Variants in PAM observed in about 807,000 individuals in gnomAD.
PAM encodes the protein peptidylglycine alpha-amidating monooxygenase.
Under a neutral mutation model 122.1 loss-of-function variants are expected in PAM, and 72 were observed. The observed-to-expected ratio is 0.59, with a 90% CI of 0.49 to 0.72. The LOEUF (loss-of-function observed/expected upper bound fraction) is 0.72. Among genes scored for constraint, PAM ranks in the 30% least tolerant of loss-of-function variants. The probability of loss-of-function intolerance (pLI) is 0.00; values close to 1 mark genes in which losing one functional copy is unlikely to be tolerated. For synonymous variants in PAM, 389 were observed against 404.4 expected (o/e 0.96, Z 0.46); for missense variants, 1,106 against 1,183.7 (o/e 0.93, Z 0.96).
At chr5:102,791,155 T>A (rs988814987) in intron 1 of PAM, among the ~76,000 whole-genome samples, 13 of 152,266 alleles carry the variant, frequency 8.5e-5, no homozygotes, top group Middle Eastern at 3.4e-3. Flanking sequence ...AATTTGTTTT[T>A]GCTGTTATAA....
chr5:102,946,354 C>A (rs1205700258), intron 7 of PAM, among the ~76,000 whole-genome samples: 5 of 151,896 alleles, frequency 3.3e-5, no homozygotes, highest in Non-Finnish European at 7.4e-5. Flanking sequence ...TAATAAAATT[C>A]TATTTTGAAA....
intron 1 of PAM, among the ~76,000 whole-genome samples, chr5:102,816,655 T>C (rs911098551): frequency 1.3e-5 from 2 of 152,120 alleles, no homozygotes; most frequent in Non-Finnish European, 2.9e-5. Flanking sequence ...AAGTGCCACA[T>C]TCATCTGGTT....
At chr5:102,925,470 T>C (rs1012532576) in intron 6 of PAM, among the ~76,000 whole-genome samples, 5 of 152,186 alleles carry the variant, frequency 3.3e-5, no homozygotes, top group East Asian at 3.9e-4. Context: ...CACCTCTAAA[T>C]TGTACATAGC....
At chr5:102,785,413 C>T (rs1760244549) in intron 1 of PAM, among the ~76,000 whole-genome samples, 3 of 152,142 alleles carry the variant, frequency 2.0e-5, no homozygotes, top group South Asian at 2.1e-4. Context: ...TTGGTAGATA[C>T]GTGGGAGACT....
intron 1 of PAM, among the ~76,000 whole-genome samples, chr5:102,758,097 T>G (rs1751138233): frequency 2.7e-5 from 3 of 111,482 alleles, no homozygotes; most frequent in East Asian, 3.2e-4. Flanking sequence ...TTTTTTTTTT[T>G]TTTTTTTTTT....
chr5:102,923,075 C>A (rs1222020855), intron 5 of PAM, among the ~76,000 whole-genome samples: 1 of 152,196 alleles, frequency 6.6e-6, no homozygotes. Context: ...ATTACACAAT[C>A]TCTTTCTACA....
At chr5:102,832,340 C>G (rs1775710712) in intron 1 of PAM, among the ~76,000 whole-genome samples, 1 of 152,062 alleles carries the variant, frequency 6.6e-6, no homozygotes, top group African/African-American at 2.4e-5. Flanking sequence ...TCCACTTCCT[C>G]CCAGTTAATA....
intron 1 of PAM, among the ~76,000 whole-genome samples, chr5:102,767,796 T>G (rs1389769052): frequency 6.6e-6 from 1 of 152,146 alleles, no homozygotes; most frequent in Non-Finnish European, 1.5e-5. Flanking sequence ...TAGAAAAAAT[T>G]AAGGAAGAAG....
intron 1 of PAM, among the ~76,000 whole-genome samples, chr5:102,850,443 T>G (rs1378266087): frequency 6.6e-6 from 1 of 152,212 alleles, no homozygotes; most frequent in Non-Finnish European, 1.5e-5. Context: ...ACATTCTTTT[T>G]TCATGTAAAT....
intron 1 of PAM, among the ~76,000 whole-genome samples, chr5:102,764,963 T>C (rs2149704027): frequency 6.6e-6 from 1 of 152,358 alleles, no homozygotes; most frequent in Middle Eastern, 3.4e-3. Context: ...TTTATTCTTT[T>C]CTTTTTTGGC....
At chr5:103,015,866 G>T (rs907979647) in intron 21 of PAM, among the ~76,000 whole-genome samples, 6 of 152,136 alleles carry the variant, frequency 3.9e-5, no homozygotes, top group African/African-American at 1.4e-4. Context: ...TTAAAGCAAA[G>T]TTCTTAGCCA....
chr5:102,921,606 T>G (rs1277608354), intron 5 of PAM, among the ~76,000 whole-genome samples: 2 of 152,194 alleles, frequency 1.3e-5, no homozygotes. Flanking sequence ...GTTTTAAAAA[T>G]TAAACCAATG....
chr5:103,015,173 T>C (rs1781624210), intron 21 of PAM, among the ~76,000 whole-genome samples: 1 of 152,208 alleles, frequency 6.6e-6, no homozygotes. Context: ...CTTAACCTTT[T>C]CATTCCTGAA....
At chr5:102,910,935 C>T (rs1035018864) in intron 4 of PAM, among the ~76,000 whole-genome samples, 2 of 151,908 alleles carry the variant, frequency 1.3e-5, no homozygotes, top group African/African-American at 2.4e-5. Flanking sequence ...CTAGAATTCA[C>T]TAGGGGTGGG....
chr5:102,756,581 A>C (rs1750395110), intron 1 of PAM, among the ~76,000 whole-genome samples: 1 of 152,210 alleles, frequency 6.6e-6, no homozygotes. Flanking sequence ...AACATGTGAC[A>C]TATTGTTTGT....
intron 1 of PAM, among the ~76,000 whole-genome samples, chr5:102,820,253 T>G (rs1224768796): frequency 6.7e-6 from 1 of 150,212 alleles, no homozygotes; most frequent in African/African-American, 2.5e-5. Flanking sequence ...TGTGTGTTGT[T>G]AGAGATGATT....
Position 103,029,002 on chromosome 5 carries a change from T to G in PAM, c.2859T>G (p.Asp953Glu). ...GCAGTGACCAAGAGAAAGAGGATGA[T>G]GGAAGTGAATCAGAAGAGGAGTATT... is the stretch of plus-strand genomic sequence containing the variant. ...TEGSDQEKED[D>E]GSESEEEYSA... The change falls in exon 26 of 26, where the codon GAT (aspartate) becomes GAG (glutamate). Residue 953 changes from aspartate (D) to glutamate (E), a missense_variant. Around this residue, in one of 3 missense-constraint regions of PAM, gnomAD observed 333 missense variants for 335.6 expected, o/e 0.99. Transcript: ENST00000438793. 1 of 1,613,898 alleles carries G rather than the reference T, an allele frequency of 6.2e-7. No individual in the cohort carries two copies. Among genetic ancestry groups the G allele is most frequent in the Non-Finnish European group, 8.5e-7 (1 of 1,179,846 alleles).
In PAM at chr5:102,789,623, G is replaced by C. The variant is rs372691831; in HGVS notation, c.-374+34275G>C. 3.3e-5 allele frequency among the ~76,000 whole-genome samples: 5 copies of C among 152,154 alleles called. No homozygotes were observed. In the East Asian group the frequency reaches 7.7e-4, roughly 23 times the overall value. On this transcript the variant is annotated intron_variant, in intron 1 of 25. Transcript: ENST00000438793. ...ACAGAAGATAGAATGCTAGTTGCTC[G>C]GGGCTGGGAGGAAGAGAGAATGTGG... is the stretch of plus-strand genomic sequence containing the variant.
intron 8 of PAM, among the ~76,000 whole-genome samples, chr5:102,947,542 A>T (rs1031324423): frequency 6.6e-6 from 1 of 152,124 alleles, no homozygotes; most frequent in Non-Finnish European, 1.5e-5. Flanking sequence ...GATGGGAAGG[A>T]GGTGAGGGAT....
Sources: gnomAD v4.1 joint callset for allele counts (sites outside exome capture counted in the v4.1 genomes callset) on GRCh38, gnomAD v4.1.1 for gene constraint, gnomAD v4.1.1 regional missense constraint, MANE v1.5 for transcripts, NCBI Gene and HGNC (gene_info 2026-07-23, HGNC 2026-07-21) for gene names.